Variants in GMDS observed in about 807,000 individuals in gnomAD.
GMDS encodes the protein GDP-mannose 4,6-dehydratase.
In GMDS, 20 loss-of-function variants were observed where a neutral mutation model predicts 49.9. That is an observed-to-expected ratio of 0.40 (90% CI 0.28 to 0.58). The LOEUF is 0.58. GMDS is among the 20% of genes least tolerant of loss of function. The pLI, the probability that GMDS is intolerant of heterozygous loss-of-function variation, is 0.42. For synonymous variants in GMDS, 177 were observed against 178.6 expected, an observed-to-expected ratio of 0.99 and a Z score of 0.07; for missense variants, 362 against 481.4, an observed-to-expected ratio of 0.75 and a Z score of 2.32.
chr6:2,240,430 T>C (rs1264109991), intron 1 of GMDS, among the ~76,000 whole-genome samples: 1 of 152,054 alleles, frequency 6.6e-6, no homozygotes, highest in African/African-American at 2.4e-5. Flanking sequence ...ATAAGTGACT[T>C]ACCCAAAGCC....
At chr6:1,866,979 T>G (rs889985643) in intron 7 of GMDS, among the ~76,000 whole-genome samples, 4 of 152,356 alleles carry the variant, frequency 2.6e-5, no homozygotes, top group Admixed American at 1.3e-4. Flanking sequence ...CGACAACAAT[T>G]TTTAAAAAGT....
intron 4 of GMDS, among the ~76,000 whole-genome samples, chr6:2,037,038 C>T (rs1769349317): frequency 6.6e-6 from 1 of 152,048 alleles, no homozygotes; most frequent in Admixed American, 6.6e-5. Context: ...GGAGGGAGCC[C>T]TTGGTAGCAT....
chr6:2,235,653 A>T (rs1444676756), intron 1 of GMDS, among the ~76,000 whole-genome samples: 1 of 151,772 alleles, frequency 6.6e-6, no homozygotes. Flanking sequence ...AAAAAAAAAA[A>T]ATACAAAAAT....
At chr6:1,717,422 T>G (rs1434565982) in intron 9 of GMDS, 6 of 152,250 alleles carry the variant, frequency 3.9e-5, no homozygotes, top group Non-Finnish European at 8.8e-5. Flanking sequence ...GTGGCTGCTC[T>G]CTAGCCTACT....
At chr6:1,818,200 CCAGGT>C in intron 7 of GMDS, among the ~76,000 whole-genome samples, 1 of 152,202 alleles carries the variant, frequency 6.6e-6, no homozygotes, top group Middle Eastern at 3.4e-3. Context: ...TGGGAAATAA[CCAGGT>C]CAACTAAAAT....
intron 7 of GMDS, among the ~76,000 whole-genome samples, chr6:1,773,482 C>T (rs1048120949): frequency 3.3e-5 from 5 of 152,238 alleles, no homozygotes; most frequent in African/African-American, 1.2e-4. Flanking sequence ...GGGACTACAA[C>T]CTGCAGAGTG....
intron 7 of GMDS, among the ~76,000 whole-genome samples, chr6:1,870,745 T>C (rs975002611): frequency 6.6e-6 from 1 of 152,130 alleles, no homozygotes; most frequent in East Asian, 1.9e-4. Context: ...AGAAATAATA[T>C]CCAAAACAAA....
intron 9 of GMDS, among the ~76,000 whole-genome samples, chr6:1,676,009 C>G (rs966021678): frequency 6.6e-6 from 1 of 152,004 alleles, no homozygotes; most frequent in Non-Finnish European, 1.5e-5. Flanking sequence ...AAGACTAAAC[C>G]AAGAAGAAGT....
At chr6:1,908,249 C>T (rs749902698) in intron 7 of GMDS, among the ~76,000 whole-genome samples, 5 of 152,068 alleles carry the variant, frequency 3.3e-5, no homozygotes, top group East Asian at 1.9e-4. Flanking sequence ...GAAAGGTGCA[C>T]GATTTAAAAC....
intron 7 of GMDS, among the ~76,000 whole-genome samples, chr6:1,924,349 A>G (rs1411281826): frequency 6.6e-6 from 1 of 152,186 alleles, no homozygotes; most frequent in Non-Finnish European, 1.5e-5. Flanking sequence ...CTGGGTTACC[A>G]GTAGGACCCT....
intron 1 of GMDS, among the ~76,000 whole-genome samples, chr6:2,173,098 T>A (rs1229131138): frequency 6.6e-6 from 1 of 152,186 alleles, no homozygotes; most frequent in Non-Finnish European, 1.5e-5. Flanking sequence ...ACTAGTCTAA[T>A]TAATGGATTA....
intron 7 of GMDS, among the ~76,000 whole-genome samples, chr6:1,784,573 G>A (rs1456575378): frequency 6.6e-6 from 1 of 152,170 alleles, no homozygotes; most frequent in African/African-American, 2.4e-5. Context: ...GTCTGGAGCT[G>A]AGAGGGATAA....
rs201912647 is a variant in GMDS, at chr6:1,842,665, A to AT, written c.771+87437dup. Among the ~76,000 whole-genome samples the AT allele has an allele frequency of 4.8e-3, 738 of 152,312 alleles. 10 individuals carry two copies. The highest frequency in any genetic ancestry group is 0.017 in the African/African-American group (692 of 41,568). ...AATGTCGGATTACAGGAGACAATAC[A>AT]TTTTTTAAGGTTAAAGCCAATTTGA... On this transcript the variant is annotated intron_variant, in intron 7 of 10. Coordinates refer to ENST00000380815, the MANE Select transcript of GMDS (RefSeq NM_001500.4).
At chr6:2,029,548 T>C (rs1053234669) in intron 4 of GMDS, among the ~76,000 whole-genome samples, 1 of 152,226 alleles carries the variant, frequency 6.6e-6, no homozygotes, top group African/African-American at 2.4e-5. Context: ...TTTTGCCAAC[T>C]GCACCTGCAG....
chr6:1,812,239 A>G (rs1305795613), intron 7 of GMDS, among the ~76,000 whole-genome samples: 1 of 152,170 alleles, frequency 6.6e-6, no homozygotes, highest in African/African-American at 2.4e-5. Flanking sequence ...CAGGCAGAGT[A>G]AACAGGACCA....
chr6:2,186,476 G>C (rs1778785789), intron 1 of GMDS, among the ~76,000 whole-genome samples: 1 of 152,178 alleles, frequency 6.6e-6, no homozygotes, highest in African/African-American at 2.4e-5. Flanking sequence ...CAACCTGGAT[G>C]AAAGAGGAAT....
chr6:1,812,325 C>G (rs770253259), intron 7 of GMDS, among the ~76,000 whole-genome samples: 2 of 152,008 alleles, frequency 1.3e-5, no homozygotes, highest in Admixed American at 6.6e-5. Flanking sequence ...GTGAAGAGAG[C>G]GTGAGAAGGG....
chr6:1,905,254 T>C (rs1760699252), intron 7 of GMDS, among the ~76,000 whole-genome samples: 1 of 151,540 alleles, frequency 6.6e-6, no homozygotes, highest in African/African-American at 2.4e-5. Flanking sequence ...GCCGGTGTCA[T>C]TAGAGGTGGG....
chr6:2,021,550 A>C (rs1229128089), intron 4 of GMDS, among the ~76,000 whole-genome samples: 2 of 152,228 alleles, frequency 1.3e-5, no homozygotes, highest in East Asian at 3.8e-4. Context: ...TAAAGATACA[A>C]GGTGGAAAAA....
Sources: gnomAD v4.1 joint callset for allele counts (sites outside exome capture counted in the v4.1 genomes callset) on GRCh38, gnomAD v4.1.1 for gene constraint, MANE v1.5 for transcripts, NCBI Gene and HGNC (gene_info 2026-07-23, HGNC 2026-07-21) for gene names.